TSPAN3: variants seen among roughly 807,000 people sequenced by gnomAD.
TSPAN3 encodes the protein tetraspanin 3.
In TSPAN3, 9 loss-of-function variants were observed where a neutral mutation model predicts 31.1. That is an observed-to-expected ratio of 0.29 (90% CI 0.17 to 0.50). The LOEUF is 0.50. TSPAN3 is among the 20% of genes least tolerant of loss of function. TSPAN3 has a pLI of 0.98. For synonymous variants in TSPAN3, 129 were observed against 114.3 expected (o/e 1.13, Z -0.82); for missense variants, 252 against 313.5 (o/e 0.80, Z 1.48).
intron 4 of TSPAN3, 82 bp from the exon 5 acceptor site, chr15:77,053,011 C>A: frequency 7.4e-7 from 1 of 1,352,748 alleles, no homozygotes; most frequent in Non-Finnish European, 1.0e-6. Context: ...TTAAAATAAG[C>A]TACTCTAGAC....
chr15:77,051,215 T>C (rs532235538), intron 6 of TSPAN3, among the ~76,000 whole-genome samples: 1 of 152,036 alleles, frequency 6.6e-6, no homozygotes, highest in South Asian at 2.1e-4. Context: ...GCTCTTGAAA[T>C]AGGTTTCAGG....
intron 1 of TSPAN3, among the ~76,000 whole-genome samples, chr15:77,068,987 T>C (rs1042406913): frequency 1.3e-5 from 2 of 152,244 alleles, no homozygotes; most frequent in Non-Finnish European, 2.9e-5. Flanking sequence ...TTTATATTCC[T>C]TTGGGTATGT....
rs191664412 is a variant in TSPAN3 at position 77,056,443 on chromosome 15, C to T, written c.64-188G>A. ...AGATAAAATTAAAAAGTTATCCACA[C>T]TTCACCTACTTTTCACGAATTGATG... On this transcript the variant is annotated intron_variant, in intron 1 of 6. Transcript: ENST00000267970. Among the ~76,000 whole-genome samples the T allele has an allele frequency of 2.2e-3, 327 of 151,930 alleles. 1 individual carries two copies. Among genetic ancestry groups the T allele is most frequent in the Middle Eastern group, 0.01 (3 of 294 alleles).
intron 5 of TSPAN3, 101 bp from the exon 6 acceptor site, chr15:77,052,569 C>A: frequency 7.9e-7 from 1 of 1,258,988 alleles, no homozygotes; most frequent in Non-Finnish European, 1.1e-6. Flanking sequence ...ATGACAGAAA[C>A]TGAAAGAGTG....
Position 77,047,153 on chromosome 15 carries a change from G to A in TSPAN3, c.670-226C>T, listed in dbSNP as rs560253453. ...CAGGAACTCTTCGTAAAGCCAGCAGGGAATCAAGTCTCTCTTATTTGGCAT... is the reference window on the plus strand; with the variant it reads ...CAGGAACTCTTCGTAAAGCCAGCAGAGAATCAAGTCTCTCTTATTTGGCAT... On this transcript the variant is annotated intron_variant, in intron 6 of 6. Transcript: ENST00000267970. 1.2e-4 allele frequency among the ~76,000 whole-genome samples: 19 copies of A among 152,294 alleles called. No individual in the cohort carries two copies. In the South Asian group the frequency reaches 3.7e-3, roughly 30 times the overall value.
chr15:77,046,617 T>C lies in TSPAN3; in HGVS notation c.*218A>G. 1.8e-6 allele frequency: 1 copy of C among 547,840 alleles called. No individual in the cohort carries two copies. The highest frequency in any genetic ancestry group is 3.2e-6 in the Non-Finnish European group (1 of 310,182). 33.9% of individuals were successfully genotyped at this position (547,840 alleles called of 1,614,324 possible). ...GAAATTAGAACGTTCACCATCGTAC[T>C]TAAAATCTTAGGGGCATGAAGAGTC... On this transcript the variant is annotated 3_prime_UTR_variant, in exon 7 of 7. Transcript: ENST00000267970.
At chr15:77,051,685 G>GA (rs76151770) in intron 6 of TSPAN3, among the ~76,000 whole-genome samples, 13,188 of 137,596 alleles carry the variant, frequency 0.096, 702 homozygotes, top group African/African-American at 0.17. Flanking sequence ...CCCATTTCTG[G>GA]AAAAAAAAAA....
chr15:77,046,058 G>A lies in TSPAN3; in HGVS notation c.*777C>T. ...GGCTGATACAGAGTTTATTGAATTA[G>A]ATTTTTCTATTTACAACTGAGATCA... On this transcript the variant is annotated 3_prime_UTR_variant, in exon 7 of 7. Coordinates refer to ENST00000267970, the MANE Select transcript of TSPAN3 (RefSeq NM_005724.6). The A allele has an allele frequency of 5.1e-6, 1 of 194,702 alleles. No individual in the cohort carries two copies. The highest frequency in any genetic ancestry group is 1.0e-5 in the Non-Finnish European group (1 of 96,410). 12.1% of individuals were successfully genotyped at this position (194,702 alleles called of 1,614,324 possible).
chr15:77,057,757 T>C (rs1328918172), intron 1 of TSPAN3, among the ~76,000 whole-genome samples: 1 of 152,198 alleles, frequency 6.6e-6, no homozygotes, highest in Non-Finnish European at 1.5e-5. Flanking sequence ...GGCCTTATTC[T>C]TTAGTCATTC....
chr15:77,055,925 G>A (rs1306031180), intron 2 of TSPAN3, 62 bp from the exon 3 acceptor site: 4 of 1,540,152 alleles, frequency 2.6e-6, no homozygotes, highest in Non-Finnish European at 3.5e-6. Context: ...ATACACTCTT[G>A]ATTTAAAAAA....
intron 6 of TSPAN3, among the ~76,000 whole-genome samples, chr15:77,049,910 T>TTTAGG (rs2076718863): frequency 6.6e-6 from 1 of 152,220 alleles, no homozygotes; most frequent in Non-Finnish European, 1.5e-5. Context: ...AGGAATTTAA[T>TTTAGG]CTTCTGCAAA....
intron 1 of TSPAN3, among the ~76,000 whole-genome samples, chr15:77,065,145 T>C (rs568467828): frequency 6.6e-6 from 1 of 152,362 alleles, no homozygotes; most frequent in African/African-American, 2.4e-5. Flanking sequence ...CAACTTCTTA[T>C]ACTCCAGATT....
At position 77,052,451 on chromosome 15, in the gene TSPAN3, T is replaced by A. The variant is rs11737; in HGVS notation, c.603A>T (p.Val201=). 0.64 allele frequency: 1,032,250 copies of A among 1,613,366 alleles called. 334,923 individuals carry two copies. Among genetic ancestry groups the A allele is most frequent in the Middle Eastern group, 0.73 (4,441 of 6,062 alleles). The change falls in exon 6 of 7, where the codon GTA becomes GTT. Residue 201 remains valine (V), a synonymous_variant. Transcript: ENST00000267970. ...DLYAEGCEAL[V]VKKLQEIMMH... ...TCATGATTTCTTGTAGCTTCTTCACTACTAGAGCCTCACACCCCTGTAACA... is the reference window on the plus strand; with the variant it reads ...TCATGATTTCTTGTAGCTTCTTCACAACTAGAGCCTCACACCCCTGTAACA...
At chr15:77,052,969 C>T (rs377443154) in intron 4 of TSPAN3, 40 bp from the exon 5 acceptor site, 18 of 1,549,412 alleles carry the variant, frequency 1.2e-5, no homozygotes, top group Admixed American at 1.8e-5. Context: ...TCACAAAAAC[C>T]AAATACCTGA....
chr15:77,061,633 C>T (rs2076801357), intron 1 of TSPAN3, among the ~76,000 whole-genome samples: 1 of 152,056 alleles, frequency 6.6e-6, no homozygotes, highest in Non-Finnish European at 1.5e-5. Flanking sequence ...AAAAATGAAA[C>T]AGATTTGCTA....
rs568461518 is a variant in TSPAN3, at chr15:77,060,143, G to A, written c.64-3888C>T. 2.6e-5 allele frequency among the ~76,000 whole-genome samples: 4 copies of A among 152,226 alleles called. No homozygotes were observed. In the East Asian group the frequency reaches 7.7e-4, roughly 29 times the overall value. On this transcript the variant is annotated intron_variant, in intron 1 of 6. Coordinates refer to ENST00000267970, the MANE Select transcript of TSPAN3 (RefSeq NM_005724.6). The stretch of plus-strand genomic sequence containing the variant: ...ACATCCAAGTCACACAACAAGATGA[G>A]AACATAACAAAGCTCTATTTGGCAA...
intron 6 of TSPAN3, among the ~76,000 whole-genome samples, chr15:77,047,459 A>G (rs1481494233): frequency 1.3e-5 from 2 of 152,200 alleles, no homozygotes; most frequent in Non-Finnish European, 2.9e-5. Flanking sequence ...GGAAAACGAA[A>G]TTCAGTATGT....
rs1280778039 is a variant in TSPAN3 at position 77,041,423 on chromosome 15, T to C, written c.*5412A>G. 1 of 150,314 alleles carries C rather than the reference T, an allele frequency of 6.7e-6. No individual in the cohort carries two copies. The highest frequency in any genetic ancestry group is 2.0e-4 in the East Asian group (1 of 5,128). The allele number at this position is 150,314 out of a possible 1,614,324, so 9.3% of individuals were successfully genotyped here. ...TTTTTTGAGACAGAGTCTTGCTCTGTCACCCAGGCTGGAGTGCAGTGGCAT... is the reference window on the plus strand; with the variant it reads ...TTTTTTGAGACAGAGTCTTGCTCTGCCACCCAGGCTGGAGTGCAGTGGCAT... On this transcript the variant is annotated 3_prime_UTR_variant, in exon 7 of 7. Coordinates refer to ENST00000267970, the MANE Select transcript of TSPAN3 (RefSeq NM_005724.6).
At chr15:77,069,687 A>C (rs1367025047) in intron 1 of TSPAN3, among the ~76,000 whole-genome samples, 1 of 152,130 alleles carries the variant, frequency 6.6e-6, no homozygotes, top group East Asian at 1.9e-4. Context: ...TCAGGATATG[A>C]AGTTTTATCC....
Sources: gnomAD v4.1 joint callset for allele counts (sites outside exome capture counted in the v4.1 genomes callset) on GRCh38, gnomAD v4.1.1 for gene constraint, MANE v1.5 for transcripts, NCBI Gene and HGNC (gene_info 2026-07-23, HGNC 2026-07-21) for gene names.